The following ELP4 variants were observed in gnomAD, a reference collection of about 807,000 sequenced individuals.
The protein encoded by ELP4 is elongator acetyltransferase complex subunit 4.
Under a neutral mutation model 48.9 loss-of-function variants are expected in ELP4, and 51 were observed. The ratio of observed to expected loss-of-function variants is 1.04; its 90% confidence interval spans 0.83 to 1.32. The LOEUF (loss-of-function observed/expected upper bound fraction) is 1.32. Ranked by LOEUF, ELP4 falls within the 40% of genes most tolerant of loss-of-function variation. The pLI is 0.00. For synonymous variants in ELP4, 210 were observed against 189.2 expected (o/e 1.11, Z -0.90); for missense variants, 519 against 514.6 (o/e 1.01, Z -0.08).
At chr11:31,595,338 A>G (rs1439128764) in intron 4 of ELP4, among the ~76,000 whole-genome samples, 1 of 152,190 alleles carries the variant, frequency 6.6e-6, no homozygotes, top group Non-Finnish European at 1.5e-5. Context: ...TGAAGGAAAA[A>G]TTTCTGAGAA....
chr11:31,558,191 G>A (rs1156997451), intron 3 of ELP4, among the ~76,000 whole-genome samples: 1 of 149,588 alleles, frequency 6.7e-6, no homozygotes, highest in Non-Finnish European at 1.5e-5. Flanking sequence ...AAAATTCTAA[G>A]TTCTCCCTTG....
intron 3 of ELP4, among the ~76,000 whole-genome samples, chr11:31,563,255 GC>G (rs1258009391): frequency 8.5e-5 from 13 of 152,090 alleles, no homozygotes; most frequent in Non-Finnish European, 1.6e-4. Flanking sequence ...GGAGTATGAT[GC>G]CCATAGTTGG....
intron 3 of ELP4, among the ~76,000 whole-genome samples, chr11:31,576,169 C>G (rs986628425): frequency 6.6e-6 from 1 of 152,132 alleles, no homozygotes; most frequent in Non-Finnish European, 1.5e-5. Context: ...GACTTTAAAT[C>G]AACAAAGATC....
At chr11:31,690,796 C>CTT (rs10653769) in intron 9 of ELP4, among the ~76,000 whole-genome samples, 4,553 of 109,514 alleles carry the variant, frequency 0.042, 172 homozygotes, top group Non-Finnish European at 0.057. Flanking sequence ...GTTTTTTTTC[C>CTT]TTTTTTTTTT....
chr11:31,538,029 C>T (rs1467345805), intron 2 of ELP4, among the ~76,000 whole-genome samples: 2 of 152,112 alleles, frequency 1.3e-5, no homozygotes, highest in Non-Finnish European at 2.9e-5. Context: ...TCTATACTCT[C>T]AGAATGTTTT....
intron 9 of ELP4, among the ~76,000 whole-genome samples, chr11:31,694,671 T>G (rs1946361235): frequency 6.6e-6 from 1 of 152,198 alleles, no homozygotes; most frequent in Non-Finnish European, 1.5e-5. Context: ...CATATGAACT[T>G]TAAAGTAGTT....
chr11:31,513,116 G>GATAATATAC (rs1456350105), intron 1 of ELP4, among the ~76,000 whole-genome samples: 6 of 152,026 alleles, frequency 3.9e-5, no homozygotes, highest in African/African-American at 1.4e-4. Flanking sequence ...TGTAGCATGG[G>GATAATATAC]ATAATATACA....
At chr11:31,672,776 G>A (rs996183146) in intron 9 of ELP4, among the ~76,000 whole-genome samples, 2 of 151,994 alleles carry the variant, frequency 1.3e-5, no homozygotes, top group African/African-American at 4.8e-5. Flanking sequence ...GTGACAGAGT[G>A]AGACCCTGTC....
At chr11:31,701,205 T>C (rs1285803736) in intron 9 of ELP4, among the ~76,000 whole-genome samples, 1 of 152,180 alleles carries the variant, frequency 6.6e-6, no homozygotes, top group Non-Finnish European at 1.5e-5. Context: ...AGCAGTTTCT[T>C]TTCCTTTTTA....
intron 9 of ELP4, among the ~76,000 whole-genome samples, chr11:31,716,371 G>A (rs1293154353): frequency 6.6e-6 from 1 of 152,126 alleles, no homozygotes; most frequent in African/African-American, 2.4e-5. Context: ...AAGTGCACTG[G>A]CTCTGGAAAA....
At chr11:31,518,429 T>G (rs1956157270) in intron 1 of ELP4, among the ~76,000 whole-genome samples, 1 of 152,098 alleles carries the variant, frequency 6.6e-6, no homozygotes, top group African/African-American at 2.4e-5. Flanking sequence ...TTAAATTGAT[T>G]TTTAATGATT....
intron 3 of ELP4, among the ~76,000 whole-genome samples, chr11:31,559,279 G>C (rs1361007873): frequency 6.6e-6 from 1 of 152,196 alleles, no homozygotes. Flanking sequence ...TTGCTAATCA[G>C]AAACTGACAC....
intron 9 of ELP4, chr11:31,761,902 A>T (rs976989216): frequency 6.6e-6 from 1 of 152,296 alleles, no homozygotes; most frequent in African/African-American, 2.4e-5. Flanking sequence ...CAGCCTCCCA[A>T]TCAGAAAATA....
At chr11:31,686,144 C>T (rs1327155599) in intron 9 of ELP4, among the ~76,000 whole-genome samples, 1 of 151,830 alleles carries the variant, frequency 6.6e-6, no homozygotes, top group African/African-American at 2.4e-5. Flanking sequence ...AAAATATATA[C>T]ATTTTATATA....
At chr11:31,512,731 G>A (rs1956030644) in intron 1 of ELP4, 1 of 152,104 alleles carries the variant, frequency 6.6e-6, no homozygotes, top group South Asian at 2.1e-4. Flanking sequence ...CTCTTCCAGG[G>A]GTTTCCAAAG....
intron 3 of ELP4, among the ~76,000 whole-genome samples, chr11:31,548,004 T>C (rs1353216442): frequency 6.6e-6 from 1 of 152,160 alleles, no homozygotes; most frequent in Non-Finnish European, 1.5e-5. Flanking sequence ...ATAAGAGCTA[T>C]CTATGACAAA....
intron 1 of ELP4, among the ~76,000 whole-genome samples, chr11:31,517,018 A>G (rs899812332): frequency 3.3e-5 from 5 of 152,280 alleles, no homozygotes; most frequent in African/African-American, 2.4e-5. Flanking sequence ...AGAGTTTGAA[A>G]TGTTCTACAT....
Position 31,568,448 on chromosome 11 carries a change from A to T in ELP4, c.382-26322A>T, listed in dbSNP as rs150038178. Among the ~76,000 whole-genome samples, 576 of 152,330 alleles carry T rather than the reference A, an allele frequency of 3.8e-3. 2 individuals carry two copies. The highest frequency in any genetic ancestry group is 0.013 in the African/African-American group (555 of 41,574). ...ATTAGAAAACGTTATTCTGAAATGT[A>T]TATGGAACTACAAAGAGCCCAAAGC... On this transcript the variant is annotated intron_variant, in intron 3 of 9. Coordinates refer to ENST00000640961, the MANE Select transcript of ELP4 (RefSeq NM_019040.5).
chr11:31,527,739 C>G (rs1303325683), intron 2 of ELP4, among the ~76,000 whole-genome samples: 1 of 152,034 alleles, frequency 6.6e-6, no homozygotes, highest in Non-Finnish European at 1.5e-5. Context: ...CATAATGTTG[C>G]CAGAATGCAC....
Sources: allele counts gnomAD v4.1 joint callset (sites outside exome capture counted in the v4.1 genomes callset), GRCh38; gene constraint gnomAD v4.1.1; transcripts MANE v1.5; gene names NCBI Gene and HGNC (gene_info 2026-07-23, HGNC 2026-07-21).